The following GJC1 variants were observed in gnomAD, a reference collection of about 807,000 sequenced individuals.
GJC1 encodes gap junction gamma-1 protein.
GJC1 carries 5 observed loss-of-function variants against 29.3 expected under a neutral mutation model. The ratio of observed to expected loss-of-function variants is 0.17; its 90% CI spans 0.09 to 0.36. The LOEUF (loss-of-function observed/expected upper bound fraction) is 0.36, where lower values mean the gene tolerates loss of function less well. Among genes scored for constraint, GJC1 ranks in the 10% least tolerant of loss-of-function variants. GJC1 has a pLI of 1.00. For missense variants in GJC1, 310 were observed against 496.2 expected, an observed-to-expected ratio of 0.62 and a Z score of 3.56; for synonymous variants, 177 against 183.3, an observed-to-expected ratio of 0.97 and a Z score of 0.28.
At chr17:44,830,951 TAA>T (rs975007059), upstream of GJC1, 24 of 367,392 alleles carry the variant, frequency 6.5e-5, 1 homozygote, top group African/African-American at 5.0e-4. The surrounding 1 kb of genome is among the most constrained non-coding windows in gnomAD (Gnocchi z 4.3). Flanking sequence ...TCCCCAGTTT[TAA>T]AATGCCCAGT....
At chr17:44,810,474 C>T (rs976824439) in intron 1 of GJC1, among the ~76,000 whole-genome samples, 9 of 152,226 alleles carry the variant, frequency 5.9e-5, no homozygotes, top group East Asian at 1.9e-4. Context: ...AAGCTGCAGA[C>T]GTGGAAAATG....
Position 44,804,447 on chromosome 17 carries a change from T to G in GJC1, c.*180A>C. 1 of 581,738 alleles carries G rather than the reference T, an allele frequency of 1.7e-6. No individual in the cohort carries two copies. Among genetic ancestry groups the G allele is most frequent in the African/African-American group, 1.9e-5 (1 of 53,702 alleles). 36.0% of individuals were successfully genotyped at this position (581,738 alleles called of 1,614,324 possible). ...GCTAAGAACATGTGCCTGGGAACAC[T>G]GTGTTTCCCTTTCTCTCCCTCAGCC... is the stretch of plus-strand genomic sequence containing the variant. On this transcript the variant is annotated 3_prime_UTR_variant, in exon 3 of 3. Coordinates refer to ENST00000592524, the MANE Select transcript of GJC1 (RefSeq NM_005497.4).
At chr17:44,806,631 C>G (rs1003249578) in intron 2 of GJC1, among the ~76,000 whole-genome samples, 1 of 151,804 alleles carries the variant, frequency 6.6e-6, no homozygotes, top group Non-Finnish European at 1.5e-5. Context: ...TCAGGTGATC[C>G]GCCTGCCTTG....
chr17:44,829,347 T>A (rs2050205728), intron 1 of GJC1, among the ~76,000 whole-genome samples: 2 of 152,136 alleles, frequency 1.3e-5, no homozygotes, highest in Admixed American at 1.3e-4. Flanking sequence ...CGCCTACTCT[T>A]AATTTTGAAG....
At chr17:44,809,601 A>C (rs1451061191) in intron 1 of GJC1, among the ~76,000 whole-genome samples, 2 of 142,314 alleles carry the variant, frequency 1.4e-5, no homozygotes, top group Non-Finnish European at 3.0e-5. Flanking sequence ...ACGGAGTTTC[A>C]CTCTTGTTGT....
At chr17:44,819,910 T>A (rs1201730355) in intron 1 of GJC1, among the ~76,000 whole-genome samples, 1 of 151,986 alleles carries the variant, frequency 6.6e-6, no homozygotes, top group Non-Finnish European at 1.5e-5. Context: ...CAGGCTGTAG[T>A]GCAGTGGCAT....
downstream of GJC1, chr17:44,795,199 T>C (rs959978676): frequency 6.6e-6 from 1 of 152,156 alleles, no homozygotes; most frequent in Non-Finnish European, 1.5e-5. Context: ...GGCCTAGTCA[T>C]AGTCATGATC....
intron 1 of GJC1, among the ~76,000 whole-genome samples, chr17:44,810,928 C>G (rs889864343): frequency 2.0e-5 from 3 of 152,168 alleles, no homozygotes; most frequent in African/African-American, 7.2e-5. Context: ...TGAAGGAACA[C>G]TACCATGCCT....
chr17:44,825,719 G>A (rs1001233165), intron 1 of GJC1, among the ~76,000 whole-genome samples: 1 of 151,474 alleles, frequency 6.6e-6, no homozygotes, highest in African/African-American at 2.4e-5. Flanking sequence ...AGGTTGCAGT[G>A]AGCCAAGATC....
At chr17:44,830,505 T>G (rs1369356841), upstream of GJC1, 14 of 395,686 alleles carry the variant, frequency 3.5e-5, no homozygotes, top group Non-Finnish European at 4.9e-5. This position sits in a 1 kb window ranked among gnomAD's most constrained non-coding sequence, Gnocchi z 4.3. Context: ...CCGCGTGGAG[T>G]CTGGACCCCG....
At position 44,804,644 on chromosome 17, in the gene GJC1, T is replaced by C; in HGVS notation, c.1174A>G (p.Thr392Ala). The change falls in exon 3 of 3, where the codon ACC (threonine) becomes GCC (alanine). Residue 392 changes from threonine (T) to alanine (A), a missense_variant. Around this residue, in one of 4 missense-constraint regions of GJC1, gnomAD observed 146 missense variants for 165.0 expected, o/e 0.88. Transcript: ENST00000592524. ...TASSKSGDGK[T>A]SVWI Reference sequence around the variant, plus strand: ...CGCCAGGATTAAATCCAGACGGAGGTCTTCCCATCCCCTGATTTGCTACTG... The same window carrying C: ...CGCCAGGATTAAATCCAGACGGAGGCCTTCCCATCCCCTGATTTGCTACTG... 1 of 1,612,250 alleles carries C rather than the reference T, an allele frequency of 6.2e-7. No homozygotes were observed. The highest frequency in any genetic ancestry group is 8.5e-7 in the Non-Finnish European group (1 of 1,178,948).
At chr17:44,821,719 AAAAAAAC>A (rs1567714236) in intron 1 of GJC1, among the ~76,000 whole-genome samples, 9 of 143,368 alleles carry the variant, frequency 6.3e-5, no homozygotes, top group South Asian at 2.2e-4. Flanking sequence ...AAAAAAAAAA[AAAAAAAC>A]AACAAAAAAA....
chr17:44,812,866 C>T (rs2049999865), intron 1 of GJC1, among the ~76,000 whole-genome samples: 1 of 151,964 alleles, frequency 6.6e-6, no homozygotes, highest in Admixed American at 6.6e-5. Context: ...CCGGGATGGT[C>T]TCCATCTCCT....
At chr17:44,810,653 C>T (rs1305115100) in intron 1 of GJC1, among the ~76,000 whole-genome samples, 1 of 152,152 alleles carries the variant, frequency 6.6e-6, no homozygotes, top group African/African-American at 2.4e-5. Context: ...CCACAAAACT[C>T]GCTGGAGATC....
chr17:44,811,995 T>TA (rs111996895), intron 1 of GJC1, among the ~76,000 whole-genome samples: 7,573 of 126,242 alleles, frequency 0.06, 271 homozygotes, highest in Non-Finnish European at 0.09. Context: ...AACAAAACTC[T>TA]AAAAAAAAAA....
At chr17:44,798,170 C>T (rs1335247853), downstream of GJC1, among the ~76,000 whole-genome samples, 1 of 152,146 alleles carries the variant, frequency 6.6e-6, no homozygotes, top group Non-Finnish European at 1.5e-5. Context: ...ACCTATTTAG[C>T]CACAGTAGTC....
At chr17:44,829,867 G>A (rs957699795) in intron 1 of GJC1, among the ~76,000 whole-genome samples, 195 bp downstream of exon 1, 1 of 151,988 alleles carries the variant, frequency 6.6e-6, no homozygotes, top group South Asian at 2.1e-4. Flanking sequence ...GACGCGGGCC[G>A]GCGACGCCCC....
chr17:44,804,457 T>C lies in GJC1; in HGVS notation c.*170A>G, dbSNP rs2049888034. ...TGTGCCTGGGAACACTGTGTTTCCC[T>C]TTCTCTCCCTCAGCCCAGCCCCGCC... On this transcript the variant is annotated 3_prime_UTR_variant, in exon 3 of 3. Coordinates refer to ENST00000592524, the MANE Select transcript of GJC1 (RefSeq NM_005497.4). 3.4e-6 allele frequency: 2 copies of C among 593,468 alleles called. No individual in the cohort carries two copies. Among genetic ancestry groups the C allele is most frequent in the Non-Finnish European group, 6.0e-6 (2 of 334,500 alleles). The allele number at this position is 593,468 out of a possible 1,614,324, so 36.8% of individuals were successfully genotyped here.
At position 44,830,236 on chromosome 17, in the gene GJC1, T is replaced by TGCCGCCGCTGCCGCCGCCGCCGCC. The variant is rs1555561222; in HGVS notation, c.-272_-271insGGCGGCGGCGGCGGCAGCGGCGGC. On this transcript the variant is annotated 5_prime_UTR_variant, in exon 1 of 3. Transcript: ENST00000592524. The surrounding 1 kb of genome is among the most constrained non-coding windows in gnomAD (Gnocchi z 4.3). The stretch of plus-strand genomic sequence containing the variant: ...CCGAGGCAGAAGCCGCTCCCGCCGC[T>TGCCGCCGCTGCCGCCGCCGCCGCC]GCCGCCGCCGCCGCCGCCTCCCGCT... The TGCCGCCGCTGCCGCCGCCGCCGCC allele has an allele frequency of 1.9e-5, 3 of 160,278 alleles. No individual in the cohort carries two copies. The highest frequency in any genetic ancestry group is 7.3e-5 in the African/African-American group (3 of 41,098). The allele number at this position is 160,278 out of a possible 1,614,324, so 9.9% of individuals were successfully genotyped here.
Sources: allele counts gnomAD v4.1 joint callset (sites outside exome capture counted in the v4.1 genomes callset), GRCh38; gene constraint gnomAD v4.1.1; regional missense constraint gnomAD v4.1.1; non-coding constraint Gnocchi (gnomAD v3.1); transcripts MANE v1.5; gene names NCBI Gene and HGNC (gene_info 2026-07-23, HGNC 2026-07-21).